PPCDC: variants seen among roughly 807,000 people sequenced by gnomAD.
PPCDC encodes the protein phosphopantothenoylcysteine decarboxylase.
Under a neutral mutation model 20.7 loss-of-function variants are expected in PPCDC, and 20 were observed. That is an observed-to-expected ratio of 0.97 (90% CI 0.68 to 1.41). The LOEUF is 1.41. PPCDC is among the 40% of genes most tolerant of loss of function. The probability of loss-of-function intolerance (pLI) is 0.00; values close to 1 mark genes in which losing one functional copy is unlikely to be tolerated. For missense variants in PPCDC, 246 were observed against 263.8 expected, an observed-to-expected ratio of 0.93 and a Z score of 0.47; for synonymous variants, 88 against 100.3, an observed-to-expected ratio of 0.88 and a Z score of 0.73.
chr15:75,046,315 T>G (rs1345988089), intron 4 of PPCDC, among the ~76,000 whole-genome samples: 1 of 152,222 alleles, frequency 6.6e-6, no homozygotes, highest in Non-Finnish European at 1.5e-5. Flanking sequence ...TCAAATTGGG[T>G]CAGAGTTGTG....
At chr15:75,044,281 G>T in intron 3 of PPCDC, 105 bp from the exon 4 acceptor site, 1 of 1,510,796 alleles carries the variant, frequency 6.6e-7, no homozygotes, top group African/African-American at 1.4e-5. Flanking sequence ...GGCCTGGGCA[G>T]GGCAGGTCAG....
chr15:75,023,837 G>A (rs990614219), intron 1 of PPCDC, among the ~76,000 whole-genome samples: 2 of 152,184 alleles, frequency 1.3e-5, no homozygotes, highest in African/African-American at 4.8e-5. Context: ...GGGTGGGGCC[G>A]CCTGGAGCAG....
intron 3 of PPCDC, among the ~76,000 whole-genome samples, chr15:75,044,095 C>T (rs568457388): frequency 1.0e-3 from 157 of 150,990 alleles, no homozygotes; most frequent in Non-Finnish European, 1.6e-3. Flanking sequence ...CCCAAGCATC[C>T]GCCTCAAGCA....
intron 2 of PPCDC, among the ~76,000 whole-genome samples, chr15:75,033,629 AGAAGACATAAGGCCT>A (rs61093639): frequency 0.32 from 48,029 of 151,252 alleles, 8,935 homozygotes; most frequent in East Asian, 0.62. Context: ...AGGAAAGAGC[AGAAGACATAAGGCCT>A]GGTTTGAGGA....
intron 2 of PPCDC, among the ~76,000 whole-genome samples, chr15:75,037,092 A>G (rs2066094557): frequency 6.6e-6 from 1 of 152,166 alleles, no homozygotes; most frequent in Admixed American, 6.5e-5. Context: ...TAGCTTTCCA[A>G]ATTTCAGAAT....
intron 4 of PPCDC, among the ~76,000 whole-genome samples, chr15:75,047,611 G>C (rs2066254626): frequency 1.3e-5 from 2 of 152,202 alleles, no homozygotes; most frequent in South Asian, 4.1e-4. Context: ...TGTGCCTGTG[G>C]GAAGCCCAGG....
At position 75,028,234 on chromosome 15, in the gene PPCDC, G is replaced by A. The variant is rs1053710479; in HGVS notation, c.-72-13G>A. 7.3e-5 allele frequency: 113 copies of A among 1,540,384 alleles called. No individual in the cohort carries two copies. Among genetic ancestry groups the A allele is most frequent in the Non-Finnish European group, 9.3e-5 (106 of 1,140,622 alleles). On this transcript the variant is annotated splice_polypyrimidine_tract_variant and intron_variant, in intron 1 of 5. Coordinates refer to ENST00000342932, the MANE Select transcript of PPCDC (RefSeq NM_021823.5). ...TGTATGAATGAAGGGGGTGGCCCTT[G>A]TTCTCCTTTTAGATCCTAAATCCCG... is the stretch of plus-strand genomic sequence containing the variant.
At chr15:75,035,303 G>A (rs2066071782) in intron 2 of PPCDC, among the ~76,000 whole-genome samples, 1 of 152,132 alleles carries the variant, frequency 6.6e-6, no homozygotes, top group Non-Finnish European at 1.5e-5. Flanking sequence ...GGTTCTAGTG[G>A]GTAGAGGCCA....
chr15:75,029,177 G>A lies in PPCDC; in HGVS notation c.135+724G>A, dbSNP rs141734857. On this transcript the variant is annotated intron_variant, in intron 2 of 5. Transcript: ENST00000342932. ...CTGTCTTATCCCCCTTGGTCTTTGC[G>A]TGGCTGGGCCCTGCTAGGCTGGCTG... Among the ~76,000 whole-genome samples the A allele has an allele frequency of 1.9e-3, 285 of 152,240 alleles. 2 individuals are homozygous for A. Among genetic ancestry groups the A allele is most frequent in the African/African-American group, 6.5e-3 (268 of 41,526 alleles).
Position 75,026,543 on chromosome 15 carries a change from C to T in PPCDC, c.-72-1704C>T, listed in dbSNP as rs562481179. Among the ~76,000 whole-genome samples, 111 of 152,328 alleles carry T rather than the reference C, an allele frequency of 7.3e-4. 1 individual carries two copies. The highest frequency in any genetic ancestry group is 1.6e-3 in the Admixed American group (25 of 15,306). On this transcript the variant is annotated intron_variant, in intron 1 of 5. Coordinates refer to ENST00000342932, the MANE Select transcript of PPCDC (RefSeq NM_021823.5). ...GGATAATGCAGCCAAACATGATCCT[C>T]AGCCCACGTGGGTTGTGCTCAAGTG...
chr15:75,025,447 G>A (rs1197474925), intron 1 of PPCDC, among the ~76,000 whole-genome samples: 1 of 152,196 alleles, frequency 6.6e-6, no homozygotes, highest in Non-Finnish European at 1.5e-5. Flanking sequence ...TATAGGGACT[G>A]GCAGGTATCC....
chr15:75,048,972 G>A (rs571173439), intron 5 of PPCDC, among the ~76,000 whole-genome samples, 178 bp from the exon 6 acceptor site: 1 of 152,324 alleles, frequency 6.6e-6, no homozygotes, highest in African/African-American at 2.4e-5. Context: ...CTACTGGAAC[G>A]AGTCCCAGGG....
chr15:75,028,576 T>C, intron 2 of PPCDC, 123 bp downstream of exon 2: 1 of 1,377,178 alleles, frequency 7.3e-7, no homozygotes, highest in Non-Finnish European at 1.0e-6. Context: ...ATCATGCTTG[T>C]GGAGGTCCTG....
At chr15:75,034,681 T>C (rs1483395296) in intron 2 of PPCDC, among the ~76,000 whole-genome samples, 3 of 152,226 alleles carry the variant, frequency 2.0e-5, no homozygotes, top group African/African-American at 7.2e-5. Flanking sequence ...TCGTCAACAC[T>C]GGTAGACCCA....
chr15:75,048,846 A>C, intron 5 of PPCDC, 125 bp downstream of exon 5: 8 of 1,290,622 alleles, frequency 6.2e-6, no homozygotes, highest in Non-Finnish European at 7.4e-6. Context: ...TAGCTTTCTC[A>C]GCTGGAAAAT....
intron 2 of PPCDC, 128 bp from the exon 3 acceptor site, chr15:75,043,313 A>G: frequency 1.4e-6 from 1 of 700,214 alleles, no homozygotes; most frequent in Non-Finnish European, 2.4e-6. Flanking sequence ...CTAAGGAGGG[A>G]AGTCCTCTCT....
chr15:75,030,361 T>C (rs925689184), intron 2 of PPCDC, among the ~76,000 whole-genome samples: 1 of 152,246 alleles, frequency 6.6e-6, no homozygotes, highest in Non-Finnish European at 1.5e-5. Flanking sequence ...GCCATCACCC[T>C]GTCCTTTCCC....
At chr15:75,035,404 G>T (rs907490421) in intron 2 of PPCDC, among the ~76,000 whole-genome samples, 1 of 152,126 alleles carries the variant, frequency 6.6e-6, no homozygotes, top group East Asian at 1.9e-4. Flanking sequence ...TTGATAATCT[G>T]CCCCAGACGT....
intron 2 of PPCDC, among the ~76,000 whole-genome samples, chr15:75,029,717 C>G (rs535928818): frequency 1.3e-5 from 2 of 152,248 alleles, no homozygotes; most frequent in South Asian, 2.1e-4. Flanking sequence ...CCCAGCCACC[C>G]GCTGTGTACC....
Sources: gnomAD v4.1 joint callset for allele counts (sites outside exome capture counted in the v4.1 genomes callset) on GRCh38, gnomAD v4.1.1 for gene constraint, MANE v1.5 for transcripts, NCBI Gene and HGNC (gene_info 2026-07-23, HGNC 2026-07-21) for gene names.